ANTXR2: variants seen among roughly 807,000 people sequenced by gnomAD.
The protein encoded by ANTXR2 is ANTXR cell adhesion molecule 2, also known as anthrax toxin receptor 2.
Under a neutral mutation model 73.7 loss-of-function variants are expected in ANTXR2, and 44 were observed. The ratio of observed to expected loss-of-function variants is 0.60; its 90% CI spans 0.47 to 0.77. ANTXR2 has a LOEUF of 0.77. Among genes scored for constraint, ANTXR2 ranks in the 30% least tolerant of loss-of-function variants. The pLI is 0.00. For missense variants in ANTXR2, 604 were observed against 592.5 expected, an observed-to-expected ratio of 1.02 and a Z score of -0.20; for synonymous variants, 217 against 205.9, an observed-to-expected ratio of 1.05 and a Z score of -0.46.
intron 12 of ANTXR2, among the ~76,000 whole-genome samples, chr4:79,996,405 T>C (rs1254855725): frequency 6.6e-6 from 1 of 151,946 alleles, no homozygotes; most frequent in Non-Finnish European, 1.5e-5. Context: ...CAGATAGTTA[T>C]ATTTAAAACT....
At chr4:80,061,696 G>T (rs1159270434) in intron 3 of ANTXR2, among the ~76,000 whole-genome samples, 1 of 152,000 alleles carries the variant, frequency 6.6e-6, no homozygotes, top group Non-Finnish European at 1.5e-5. Context: ...ACTTAGAATT[G>T]TACTTTACCT....
chr4:79,932,106 T>A (rs559932324), intron 16 of ANTXR2, among the ~76,000 whole-genome samples: 1 of 152,202 alleles, frequency 6.6e-6, no homozygotes, highest in South Asian at 2.1e-4. Context: ...AAAGAGAGAC[T>A]TGATATATCT....
In ANTXR2 at chr4:80,035,975, C is replaced by G; in HGVS notation, c.694G>C (p.Gly232Arg). The G allele has an allele frequency of 2.6e-6, 4 of 1,543,504 alleles. No homozygotes were observed. Among genetic ancestry groups the G allele is most frequent in the Non-Finnish European group, 3.5e-6 (4 of 1,145,048 alleles). ...LELQPSSVCVGEEFQIVLSGR... is the reference protein window; with the variant it reads ...LELQPSSVCVREEFQIVLSGR... ...TTTTTAAATTCTAAACACTTACCCC[C>G]CACACAGACACTTGAGGGCTGCAAT... Residue 232 changes from glycine to arginine, a missense_variant, in exon 8 of 17, where the codon GGG becomes CGG. Gly to Arg is a moderately radical substitution (Grantham distance 125). Coordinates refer to ENST00000403729, the MANE Select transcript of ANTXR2 (RefSeq NM_058172.6).
rs1732693274 is a variant in ANTXR2 at position 80,031,528 on chromosome 4, A to T, written c.866+95T>A. ...TACTTTTTAATGCTCTGTATATCAAAAAAAGATAGAATAAAATGACCAATG... is the reference window on the plus strand; with the variant it reads ...TACTTTTTAATGCTCTGTATATCAATAAAAGATAGAATAAAATGACCAATG... On this transcript the variant is annotated intron_variant, in intron 10 of 16. Coordinates refer to ENST00000403729, the MANE Select transcript of ANTXR2 (RefSeq NM_058172.6). The T allele has an allele frequency of 5.8e-6, 6 of 1,036,344 alleles. No homozygotes were observed. The East Asian group carries it at 1.9e-4, about 33-fold the overall frequency. The allele number at this position is 1,036,344 out of a possible 1,614,324, so 64.2% of individuals were successfully genotyped here. A position where few individuals can be genotyped will look rare whatever the true frequency, so the allele number is the denominator to read the frequency against.
At chr4:80,026,089 C>T (rs190614739) in intron 10 of ANTXR2, among the ~76,000 whole-genome samples, 14 of 152,214 alleles carry the variant, frequency 9.2e-5, no homozygotes, top group Admixed American at 9.2e-4. Context: ...TTTAAAGAGT[C>T]TTAGTGATAT....
At chr4:79,985,005 C>T in intron 12 of ANTXR2, 142 bp from the exon 13 acceptor site, 1 of 684,518 alleles carries the variant, frequency 1.5e-6, no homozygotes, top group Non-Finnish European at 2.5e-6. Flanking sequence ...TATTTATGCC[C>T]CTCTCTTTGA....
At chr4:80,027,358 GA>G (rs1020159155) in intron 10 of ANTXR2, among the ~76,000 whole-genome samples, 10 of 150,598 alleles carry the variant, frequency 6.6e-5, no homozygotes, top group East Asian at 1.9e-4. Context: ...GCTTAATACT[GA>G]AAAAAAAAGT....
intron 7 of ANTXR2, among the ~76,000 whole-genome samples, chr4:80,047,668 A>G (rs568022228): frequency 2.4e-4 from 36 of 151,650 alleles, no homozygotes; most frequent in African/African-American, 8.7e-4. Flanking sequence ...CAAAGACAAC[A>G]CCCCTCACTT....
intron 16 of ANTXR2, among the ~76,000 whole-genome samples, chr4:79,928,192 T>C (rs1055067705): frequency 6.6e-6 from 1 of 152,172 alleles, no homozygotes; most frequent in African/African-American, 2.4e-5. Flanking sequence ...AGAAACGAAA[T>C]TTAGATACAT....
At chr4:80,002,432 C>T (rs1358722288) in intron 12 of ANTXR2, among the ~76,000 whole-genome samples, 4 of 152,064 alleles carry the variant, frequency 2.6e-5, no homozygotes, top group African/African-American at 7.2e-5. Context: ...AAGACTTAAA[C>T]GTTAGACCTA....
chr4:80,072,874 A>C lies in ANTXR2; in HGVS notation c.-314T>G. 2.5e-6 allele frequency: 1 copy of C among 404,844 alleles called. No homozygotes were observed. The highest frequency in any genetic ancestry group is 3.8e-6 in the Non-Finnish European group (1 of 262,022). 25.1% of individuals were successfully genotyped at this position (404,844 alleles called of 1,614,324 possible). On this transcript the variant is annotated 5_prime_UTR_variant, in exon 1 of 17. Coordinates refer to ENST00000403729, the MANE Select transcript of ANTXR2 (RefSeq NM_058172.6). Reference sequence around the variant, plus strand: ...GCAGACAATGCGGGCCCACGGCGACAGCTCGCGAAAGGAGTTCCTCTCCGG... The same window carrying C: ...GCAGACAATGCGGGCCCACGGCGACCGCTCGCGAAAGGAGTTCCTCTCCGG...
chr4:80,056,420 G>A (rs11940811), intron 3 of ANTXR2, among the ~76,000 whole-genome samples: 66,176 of 151,528 alleles, frequency 0.44, 14,993 homozygotes, highest in Non-Finnish European at 0.49. Context: ...TCTAAAAGTG[G>A]GAAATTTTCC....
intron 16 of ANTXR2, among the ~76,000 whole-genome samples, chr4:79,912,093 A>C (rs1370931881): frequency 6.6e-6 from 1 of 152,006 alleles, no homozygotes. Context: ...GATTCAATAA[A>C]ATCATTGTTA....
At chr4:79,951,451 CTG>C (rs1728704923) in intron 16 of ANTXR2, among the ~76,000 whole-genome samples, 1 of 151,964 alleles carries the variant, frequency 6.6e-6, no homozygotes, top group Non-Finnish European at 1.5e-5. Flanking sequence ...ATGGTGGCAG[CTG>C]TAATCCCAGC....
Position 80,072,567 on chromosome 4 carries a change from G to T in ANTXR2, c.-7C>A. 2.6e-6 allele frequency: 4 copies of T among 1,534,270 alleles called. No individual in the cohort carries two copies. Among genetic ancestry groups the T allele is most frequent in the Non-Finnish European group, 3.5e-6 (4 of 1,142,844 alleles). On this transcript the variant is annotated 5_prime_UTR_variant, in exon 1 of 17. Transcript: ENST00000403729. ...GGGACCGCTCCGCCACCATCCTGCG[G>T]CCGGGGGCCTGAGACTCCCTCCCGC...
chr4:79,985,838 CTTTT>C (rs572381265), intron 12 of ANTXR2, among the ~76,000 whole-genome samples: 13 of 111,660 alleles, frequency 1.2e-4, no homozygotes, highest in East Asian at 3.1e-4. Context: ...ACAGTTAATT[CTTTT>C]TTTTTTTTTT....
rs1193806127 is a variant in ANTXR2 at position 79,905,162 on chromosome 4, C to T, written c.*2267G>A. On this transcript the variant is annotated 3_prime_UTR_variant, in exon 17 of 17. Transcript: ENST00000403729. The stretch of plus-strand genomic sequence containing the variant: ...AAGGCAGAGGTTAATTTTCATTGTT[C>T]ATGCAGCAAAATGTAAGTATGCTAC... 6.6e-6 allele frequency: 1 copy of T among 152,102 alleles called. No individual in the cohort carries two copies. The highest frequency in any genetic ancestry group is 1.5e-5 in the Non-Finnish European group (1 of 68,022). 9.4% of individuals were successfully genotyped at this position (152,102 alleles called of 1,614,324 possible).
At chr4:79,964,808 G>C (rs1458060608) in intron 16 of ANTXR2, 1 of 152,234 alleles carries the variant, frequency 6.6e-6, no homozygotes, top group Non-Finnish European at 1.5e-5. Flanking sequence ...GCGACAACCT[G>C]CTAGCTTACA....
intron 13 of ANTXR2, among the ~76,000 whole-genome samples, chr4:79,984,226 A>C (rs939444940): frequency 6.6e-6 from 1 of 152,170 alleles, no homozygotes; most frequent in Non-Finnish European, 1.5e-5. Flanking sequence ...GTTGTTCTTT[A>C]ACTATGGGAA....
Sources: gnomAD v4.1 joint callset for allele counts (sites outside exome capture counted in the v4.1 genomes callset) on GRCh38, gnomAD v4.1.1 for gene constraint, MANE v1.5 for transcripts, NCBI Gene and HGNC (gene_info 2026-07-23, HGNC 2026-07-21) for gene names.